Variants in PCDHGA11 observed in about 807,000 individuals in gnomAD.
PCDHGA11 encodes protocadherin gamma subfamily A, 11.
Under a neutral mutation model 60.4 loss-of-function variants are expected in PCDHGA11, and 39 were observed. That is an observed-to-expected ratio of 0.65 (90% CI 0.50 to 0.84). PCDHGA11 has a LOEUF of 0.84. PCDHGA11 is among the 40% of genes least tolerant of loss of function. The pLI is 0.00. For synonymous variants in PCDHGA11, 533 were observed against 510.3 expected (o/e 1.04, Z -0.60); for missense variants, 1,165 against 1,197.7 (o/e 0.97, Z 0.40).
At chr5:141,440,982 A>G (rs940098060) in intron 1 of PCDHGA11, 4 of 152,234 alleles carry the variant, frequency 2.6e-5, no homozygotes, top group Non-Finnish European at 5.9e-5. Context: ...TTCACAACCC[A>G]GAGTACCCAT....
At chr5:141,470,034 C>T (rs1209263598) in intron 1 of PCDHGA11, among the ~76,000 whole-genome samples, 2 of 152,086 alleles carry the variant, frequency 1.3e-5, no homozygotes, top group Non-Finnish European at 2.9e-5. Flanking sequence ...GATGCTGAGG[C>T]GCGAGAACTG....
intron 3 of PCDHGA11, among the ~76,000 whole-genome samples, chr5:141,510,227 C>T (rs1010123412): frequency 1.3e-5 from 2 of 150,454 alleles, no homozygotes; most frequent in African/African-American, 2.5e-5. Context: ...GAGCCGGGAT[C>T]GCGCCACTGC....
At chr5:141,428,008 T>C (rs2097099623) in intron 1 of PCDHGA11, 4 of 1,601,848 alleles carry the variant, frequency 2.5e-6, no homozygotes, top group Admixed American at 3.3e-5. Context: ...CTCTTCGATA[T>C]AGTGCCACGC....
intron 1 of PCDHGA11, chr5:141,430,555 TC>T (rs1232264614): frequency 9.7e-6 from 4 of 411,788 alleles, no homozygotes; most frequent in Non-Finnish European, 1.3e-5. Flanking sequence ...TGTTCACCAA[TC>T]GGGGAGAGAA....
Position 141,422,581 on chromosome 5 carries a change from G to A in PCDHGA11, c.1354G>A (p.Val452Ile), listed in dbSNP as rs1223117895. The A allele has an allele frequency of 3.7e-6, 6 of 1,613,984 alleles. No individual in the cohort carries two copies. The highest frequency in any genetic ancestry group is 4.2e-6 in the Non-Finnish European group (5 of 1,179,956). ...GGCAGATGACAACGATAACCCTCCC[G>A]TTTTTCCTCACTCCTCTTACTCTGC... Reference protein sequence around the residue: ...NVADDNDNPPVFPHSSYSAYI... With the variant: ...NVADDNDNPPIFPHSSYSAYI... The change falls in exon 1 of 4, where the codon GTT (valine) becomes ATT (isoleucine). Residue 452 changes from valine to isoleucine, a missense_variant. Val to Ile is a conservative substitution (Grantham distance 29). Transcript: ENST00000398587.
At chr5:141,428,044 C>A in intron 1 of PCDHGA11, 1 of 1,608,790 alleles carries the variant, frequency 6.2e-7, no homozygotes, top group Non-Finnish European at 8.5e-7. Context: ...TACCTGGTGA[C>A]CAAGGTGGTG....
intron 1 of PCDHGA11, chr5:141,441,971 G>A: frequency 3.3e-6 from 1 of 298,820 alleles, no homozygotes; most frequent in Non-Finnish European, 6.5e-6. Flanking sequence ...AGGCTCTTCA[G>A]CCTGGAATGC....
chr5:141,489,380 A>T lies in PCDHGA11; in HGVS notation c.2434-5427A>T, dbSNP rs753226956. 1 of 1,613,874 alleles carries T rather than the reference A, an allele frequency of 6.2e-7. No homozygotes were observed. The highest frequency in any genetic ancestry group is 2.2e-5 in the East Asian group (1 of 44,872). On this transcript the variant is annotated intron_variant, in intron 1 of 3. Transcript: ENST00000398587. The surrounding 1 kb of genome is among the most constrained non-coding windows in gnomAD (Gnocchi z 4.5). ...TCTGAGCCGGGGACGCTGGTGGGGA[A>T]TGTTGCTCAGGATCTGGGCTTAAAG... is the stretch of plus-strand genomic sequence containing the variant.
At position 141,463,977 on chromosome 5, in the gene PCDHGA11, T is replaced by C. The variant is rs948698340; in HGVS notation, c.2434-30830T>C. On this transcript the variant is annotated intron_variant, in intron 1 of 3. Coordinates refer to ENST00000398587, the MANE Select transcript of PCDHGA11 (RefSeq NM_018914.3). ...TTTAAAATAGCTTCATAAAACTCCA[T>C]TGTAAAAACCAGGTGCAGTGGCTCA... Among the ~76,000 whole-genome samples the C allele has an allele frequency of 2.6e-5, 4 of 152,258 alleles. 1 individual carries two copies. The highest frequency in any genetic ancestry group is 4.4e-5 in the Non-Finnish European group (3 of 68,004).
In PCDHGA11 at chr5:141,422,759, A is replaced by G. The variant is rs2096670710; in HGVS notation, c.1532A>G (p.Asn511Ser). Residue 511 changes from asparagine to serine, a missense_variant, in exon 1 of 4, where the codon AAC becomes AGC. Asn to Ser is a conservative substitution (Grantham distance 46). Coordinates refer to ENST00000398587, the MANE Select transcript of PCDHGA11 (RefSeq NM_018914.3). Reference sequence around the variant, plus strand: ...TCCTCCTATGTCTCTATTAACTCCAACACTGGTGTTCTCTATGCCCTACAA... The same window carrying G: ...TCCTCCTATGTCTCTATTAACTCCAGCACTGGTGTTCTCTATGCCCTACAA... ...PLSSYVSINSNTGVLYALQSF... is the reference protein window; with the variant it reads ...PLSSYVSINSSTGVLYALQSF... The G allele has an allele frequency of 6.2e-7, 1 of 1,613,252 alleles. No individual in the cohort carries two copies. Among genetic ancestry groups the G allele is most frequent in the Non-Finnish European group, 8.5e-7 (1 of 1,179,450 alleles).
rs2099883798 is a variant in PCDHGA11, at chr5:141,511,451, AT to A, written c.*281del. On this transcript the variant is annotated 3_prime_UTR_variant, in exon 4 of 4. Transcript: ENST00000398587. ...GGGGTTACTGTAGACACCAAGAACC[AT>A]TTGCCACACCCCGTTTAGTTACAGC... The A allele has an allele frequency of 3.3e-6, 2 of 606,372 alleles. No individual in the cohort carries two copies. Among genetic ancestry groups the A allele is most frequent in the African/African-American group, 1.9e-5 (1 of 53,734 alleles). 37.6% of individuals were successfully genotyped at this position (606,372 alleles called of 1,614,324 possible).
At position 141,431,808 on chromosome 5, in the gene PCDHGA11, C is replaced by A. The variant is rs2097419249; in HGVS notation, c.2433+8148C>A. Reference sequence around the variant, plus strand: ...GACAATGCCCCAGAAGTGGTCCTCACCTCTCTCGCCAGCTCGGTTCCCGAA... The same window carrying A: ...GACAATGCCCCAGAAGTGGTCCTCAACTCTCTCGCCAGCTCGGTTCCCGAA... On this transcript the variant is annotated intron_variant, in intron 1 of 3. Transcript: ENST00000398587. The surrounding 1 kb of genome is among the most constrained non-coding windows in gnomAD (Gnocchi z 4.8). The A allele has an allele frequency of 6.2e-7, 1 of 1,614,236 alleles. No individual in the cohort carries two copies. Among genetic ancestry groups the A allele is most frequent in the Non-Finnish European group, 8.5e-7 (1 of 1,180,040 alleles).
In PCDHGA11 at chr5:141,487,161, T is replaced by C; in HGVS notation, c.2434-7646T>C. Reference sequence around the variant, plus strand: ...CTCTCTACCTCTGTTACTCTCTTAGTGTCCTTAGAGGAAGACACTCATCCA... The same window carrying C: ...CTCTCTACCTCTGTTACTCTCTTAGCGTCCTTAGAGGAAGACACTCATCCA... On this transcript the variant is annotated intron_variant, in intron 1 of 3. Coordinates refer to ENST00000398587, the MANE Select transcript of PCDHGA11 (RefSeq NM_018914.3). This position sits in a 1 kb window ranked among gnomAD's most constrained non-coding sequence, Gnocchi z 5.0. 6.2e-7 allele frequency: 1 copy of C among 1,613,528 alleles called. No homozygotes were observed.
At chr5:141,458,081 GTAAGT>G (rs2098936973) in intron 1 of PCDHGA11, among the ~76,000 whole-genome samples, 1 of 152,186 alleles carries the variant, frequency 6.6e-6, no homozygotes, top group Non-Finnish European at 1.5e-5. Context: ...CTATATTGCC[GTAAGT>G]TAAGAGTACT....
At chr5:141,502,472 A>T (rs1450967250) in intron 2 of PCDHGA11, among the ~76,000 whole-genome samples, 1 of 150,886 alleles carries the variant, frequency 6.6e-6, no homozygotes, top group Non-Finnish European at 1.5e-5. Flanking sequence ...TACTTCCCGC[A>T]GCATCACACT....
chr5:141,452,641 CT>C (rs1351640847), intron 1 of PCDHGA11, among the ~76,000 whole-genome samples: 3 of 151,934 alleles, frequency 2.0e-5, no homozygotes, highest in Admixed American at 1.3e-4. Flanking sequence ...AATATATTTA[CT>C]CATTTGCTCC....
intron 1 of PCDHGA11, among the ~76,000 whole-genome samples, chr5:141,494,146 T>C (rs1167835696): frequency 1.3e-5 from 2 of 152,168 alleles, no homozygotes; most frequent in Non-Finnish European, 2.9e-5. Context: ...TCACAGACCA[T>C]TGTCTGGCAC....
chr5:141,478,143 A>T (rs759384540), intron 1 of PCDHGA11: 1 of 1,614,014 alleles, frequency 6.2e-7, no homozygotes, highest in Non-Finnish European at 8.5e-7. Flanking sequence ...GCCCGAGCCG[A>T]GTTCCCCTCT....
rs756144117 is a variant in PCDHGA11, at chr5:141,485,181, G to A, written c.2434-9626G>A. On this transcript the variant is annotated intron_variant, in intron 1 of 3. Transcript: ENST00000398587. This position sits in a 1 kb window ranked among gnomAD's most constrained non-coding sequence, Gnocchi z 5.7. ...AATTAGCGGGCGGCAGCAATGCTCC[G>A]CAAGGTGAGAAGCTGGACAGAAATC... 3.1e-6 allele frequency: 5 copies of A among 1,612,942 alleles called. No individual in the cohort carries two copies. The South Asian group carries it at 4.4e-5, about 14-fold the overall frequency.
Sources: gnomAD v4.1 joint callset for allele counts (sites outside exome capture counted in the v4.1 genomes callset) on GRCh38, gnomAD v4.1.1 for gene constraint, Gnocchi (gnomAD v3.1) non-coding constraint, MANE v1.5 for transcripts, NCBI Gene and HGNC (gene_info 2026-07-23, HGNC 2026-07-21) for gene names.